The following MAP3K7CL variants were observed in gnomAD, a reference collection of about 807,000 sequenced individuals.
MAP3K7CL encodes MAP3K7 C-terminal-like protein.
Under a neutral mutation model 18.6 loss-of-function variants are expected in MAP3K7CL, and 16 were observed. The observed-to-expected ratio is 0.86, with a 90% CI of 0.58 to 1.31. MAP3K7CL has a LOEUF of 1.31. Ranked by LOEUF, MAP3K7CL falls within the 50% of genes most tolerant of loss-of-function variation. The probability of loss-of-function intolerance (pLI) is 0.00; values close to 1 mark genes in which losing one functional copy is unlikely to be tolerated. For synonymous variants in MAP3K7CL, 65 were observed against 66.8 expected (o/e 0.97, Z 0.13); for missense variants, 163 against 174.4 (o/e 0.93, Z 0.37).
intron 4 of MAP3K7CL, among the ~76,000 whole-genome samples, chr21:29,106,597 G>A (rs1244140911): frequency 2.0e-5 from 3 of 152,208 alleles, no homozygotes; most frequent in Admixed American, 6.5e-5. Context: ...ACGTGTGCCA[G>A]TTCGGGAACA....
chr21:29,156,913 A>G (rs2251278), intron 3 of MAP3K7CL, among the ~76,000 whole-genome samples: 43,025 of 152,004 alleles, frequency 0.28, 7,632 homozygotes, highest in Non-Finnish European at 0.38. Context: ...TTGCTCAACA[A>G]TGTTTGGGGT....
upstream of MAP3K7CL, among the ~76,000 whole-genome samples, chr21:29,129,359 T>C (rs759950637): frequency 6.6e-6 from 1 of 152,240 alleles, no homozygotes; most frequent in Non-Finnish European, 1.5e-5. Context: ...TCTTCCTGAA[T>C]CCCTGGCAAC....
Position 29,130,690 on chromosome 21 carries a change from G to T in MAP3K7CL, c.-273G>T. On this transcript the variant is annotated 5_prime_UTR_variant, in exon 1 of 5. Transcript: ENST00000399928. ...GAGGCAAGGAAAGGAGAGAGGGGTT[G>T]TGAAGGGAAGCGGAAGGGAAGGGAA... 1 of 985,550 alleles carries T rather than the reference G, an allele frequency of 1.0e-6. No homozygotes were observed. The highest frequency in any genetic ancestry group is 1.2e-6 in the Non-Finnish European group (1 of 830,020). The allele number at this position is 985,550 out of a possible 1,614,324, so 61.1% of individuals were successfully genotyped here. A position where few individuals can be genotyped will look rare whatever the true frequency, so the allele number is the denominator to read the frequency against.
chr21:29,099,167 G>A (rs1395023017), intron 4 of MAP3K7CL, among the ~76,000 whole-genome samples: 4 of 151,796 alleles, frequency 2.6e-5, no homozygotes, highest in East Asian at 1.9e-4. Context: ...CATGGCTCAC[G>A]GCAGCTTTGA....
chr21:29,170,593 T>C (rs1445397035), intron 4 of MAP3K7CL, among the ~76,000 whole-genome samples: 3 of 152,116 alleles, frequency 2.0e-5, no homozygotes, highest in Admixed American at 2.0e-4. Flanking sequence ...ATAGATGATC[T>C]GTTTGATGCA....
intron 4 of MAP3K7CL, among the ~76,000 whole-genome samples, chr21:29,166,460 G>A (rs147345077): frequency 1.3e-5 from 2 of 152,252 alleles, no homozygotes; most frequent in African/African-American, 4.8e-5. Context: ...ATTGCAATTC[G>A]GTGGTTTTCA....
At position 29,174,891 on chromosome 21, in the gene MAP3K7CL, AACTTT is replaced by A; in HGVS notation, c.*1_*5del. On this transcript the variant is annotated stop_retained_variant and 3_prime_UTR_variant, in exon 5 of 5. Coordinates refer to ENST00000399928, the MANE Select transcript of MAP3K7CL (RefSeq NM_001286620.2). ...TATCAGAAGAGGCAGGGCTCGTCCT[AACTTT>A]AAATTTTTCAGTGTGAGCATACGAG... 6.2e-7 allele frequency: 1 copy of A among 1,613,428 alleles called. No individual in the cohort carries two copies. The highest frequency in any genetic ancestry group is 8.5e-7 in the Non-Finnish European group (1 of 1,179,608).
chr21:29,083,504 A>G (rs2085871433), upstream of MAP3K7CL, among the ~76,000 whole-genome samples: 1 of 152,176 alleles, frequency 6.6e-6, no homozygotes, highest in South Asian at 2.1e-4. Context: ...CAATCATTTC[A>G]TTGCATGGTA....
chr21:29,115,872 C>T (rs2086496257), intron 4 of MAP3K7CL, among the ~76,000 whole-genome samples: 1 of 152,224 alleles, frequency 6.6e-6, no homozygotes, highest in Admixed American at 6.5e-5. Flanking sequence ...AATGTACTAC[C>T]TGACACATAT....
rs2087946815 is a variant in MAP3K7CL at position 29,175,541 on chromosome 21, TA to T, written c.*652del. On this transcript the variant is annotated 3_prime_UTR_variant, in exon 5 of 5. Transcript: ENST00000399928. ...CAATGCTAACTGGCTGTTGTAATAA[TA>T]AACAGATAAGGCTGCATTTGCTTCA... 6.6e-6 allele frequency: 1 copy of T among 152,200 alleles called. No individual in the cohort carries two copies. Among genetic ancestry groups the T allele is most frequent in the African/African-American group, 2.4e-5 (1 of 41,450 alleles). 9.4% of individuals were successfully genotyped at this position (152,200 alleles called of 1,614,324 possible).
At chr21:29,129,780 G>C (rs1313818131), upstream of MAP3K7CL, among the ~76,000 whole-genome samples, 4 of 152,242 alleles carry the variant, frequency 2.6e-5, no homozygotes, top group African/African-American at 9.6e-5. Context: ...AGCACGGAAT[G>C]AAAGTTCCTG....
At chr21:29,158,871 G>A (rs1218105761) in intron 3 of MAP3K7CL, among the ~76,000 whole-genome samples, 1 of 150,722 alleles carries the variant, frequency 6.6e-6, no homozygotes. Context: ...TAATTGAAAA[G>A]GGTGATTTAA....
intron 4 of MAP3K7CL, among the ~76,000 whole-genome samples, chr21:29,171,681 C>T (rs1465903960): frequency 1.1e-4 from 16 of 151,982 alleles, no homozygotes; most frequent in Non-Finnish European, 2.2e-4. Flanking sequence ...GGCGCACACA[C>T]CTGTAGTCCC....
intron 4 of MAP3K7CL, among the ~76,000 whole-genome samples, chr21:29,095,707 C>T (rs2086111253): frequency 6.6e-6 from 1 of 152,158 alleles, no homozygotes; most frequent in South Asian, 2.1e-4. Flanking sequence ...ATGGTAATAT[C>T]TGGGGATCTT....
At position 29,175,106 on chromosome 21, in the gene MAP3K7CL, G is replaced by A. The variant is rs1353905536; in HGVS notation, c.*214G>A. On this transcript the variant is annotated 3_prime_UTR_variant, in exon 5 of 5. Coordinates refer to ENST00000399928, the MANE Select transcript of MAP3K7CL (RefSeq NM_001286620.2). ...TAACGTGAAACTATTACTAGTATATGTTTTTGGAGATCAGAATTCTTTTCC... is the reference window on the plus strand; with the variant it reads ...TAACGTGAAACTATTACTAGTATATATTTTTGGAGATCAGAATTCTTTTCC... The A allele has an allele frequency of 7.2e-6, 3 of 418,112 alleles. No homozygotes were observed. The South Asian group carries it at 1.5e-4, about 21-fold the overall frequency. 25.9% of individuals were successfully genotyped at this position (418,112 alleles called of 1,614,324 possible). A position where few individuals can be genotyped will look rare whatever the true frequency, so the allele number is the denominator to read the frequency against.
chr21:29,138,177 A>G (rs1425817375), intron 2 of MAP3K7CL, among the ~76,000 whole-genome samples: 2 of 152,220 alleles, frequency 1.3e-5, no homozygotes, highest in African/African-American at 2.4e-5. Flanking sequence ...ACACAAATAT[A>G]TATATATTCC....
chr21:29,169,446 C>G (rs1568974786), intron 4 of MAP3K7CL, among the ~76,000 whole-genome samples: 2 of 152,156 alleles, frequency 1.3e-5, no homozygotes. Context: ...CTCCTTCTGT[C>G]CTGCGTATGA....
At chr21:29,168,074 G>A (rs560364541) in intron 4 of MAP3K7CL, among the ~76,000 whole-genome samples, 7 of 151,926 alleles carry the variant, frequency 4.6e-5, no homozygotes, top group Non-Finnish European at 8.8e-5. Flanking sequence ...TCCACAGCAG[G>A]GTAACACTGA....
intron 4 of MAP3K7CL, among the ~76,000 whole-genome samples, chr21:29,120,656 TTTTC>T (rs1019356233): frequency 5.9e-5 from 8 of 136,386 alleles, no homozygotes; most frequent in Middle Eastern, 3.8e-3. Flanking sequence ...TTTGAGTCTC[TTTTC>T]TTTCTTTCTT....
Sources: allele counts gnomAD v4.1 joint callset (sites outside exome capture counted in the v4.1 genomes callset), GRCh38; gene constraint gnomAD v4.1.1; transcripts MANE v1.5; gene names NCBI Gene and HGNC (gene_info 2026-07-23, HGNC 2026-07-21).